The following AGAP3 variants were observed in gnomAD, a reference collection of about 807,000 sequenced individuals.
The protein encoded by AGAP3 is ArfGAP with GTPase domain, ankyrin repeat and PH domain 3, also known as arf-GAP with GTPase, ANK repeat and PH domain-containing protein 3.
AGAP3 carries 24 observed loss-of-function variants against 96.9 expected under a neutral mutation model. That is an observed-to-expected ratio of 0.25 (90% CI 0.18 to 0.35). The LOEUF is 0.35. Among genes scored for constraint, AGAP3 ranks in the 10% least tolerant of loss-of-function variants. The pLI is 1.00. For synonymous variants in AGAP3, 563 were observed against 536.1 expected, an observed-to-expected ratio of 1.05 and a Z score of -0.69; for missense variants, 876 against 1,254.2, an observed-to-expected ratio of 0.70 and a Z score of 4.55.
At chr7:151,137,892 C>CCCGGACCACG in intron 11 of AGAP3, 1 of 526,710 alleles carries the variant, frequency 1.9e-6, no homozygotes, top group Non-Finnish European at 3.3e-6. Flanking sequence ...AGAGACCCCC[C>CCCGGACCACG]GCCCCGCTCC....
At chr7:151,120,917 C>A in intron 8 of AGAP3, 4 of 984,522 alleles carry the variant, frequency 4.1e-6, no homozygotes, top group Non-Finnish European at 5.0e-6. Context: ...AAACCCTAAT[C>A]CTCCAGCCGG....
Position 151,143,391 on chromosome 7 carries a change from T to G in AGAP3, c.2324T>G (p.Leu775Arg). The G allele has an allele frequency of 6.2e-7, 1 of 1,614,180 alleles. No individual in the cohort carries two copies. The highest frequency in any genetic ancestry group is 2.2e-5 in the East Asian group (1 of 44,874). ...GCCAAGTATGAACAGAAGCTCTTCC[T>G]GGCCCCACTGCCAAGCTCAGATGTG... Reference protein sequence around the residue: ...IRAKYEQKLFLAPLPSSDVPL... With the variant: ...IRAKYEQKLFRAPLPSSDVPL... Residue 775 changes from leucine to arginine, a missense_variant, in exon 17 of 18, where the codon CTG becomes CGG. Coordinates refer to ENST00000397238, the MANE Select transcript of AGAP3 (RefSeq NM_031946.7). The surrounding 1 kb of genome is among the most constrained non-coding windows in gnomAD (Gnocchi z 5.9).
chr7:151,097,263 G>T (rs1265847045), intron 1 of AGAP3, among the ~76,000 whole-genome samples: 1 of 151,912 alleles, frequency 6.6e-6, no homozygotes, highest in Admixed American at 6.6e-5. Context: ...GGGCACTGTG[G>T]CTCACACCTG....
chr7:151,116,682 C>A, intron 1 of AGAP3, 111 bp from the exon 2 acceptor site: 1 of 1,232,588 alleles, frequency 8.1e-7, no homozygotes, highest in Non-Finnish European at 1.2e-6. Flanking sequence ...GAGGAAGCTG[C>A]TGTCCTCTGG....
chr7:151,139,914 G>A lies in AGAP3; in HGVS notation c.1667-65G>A. ...GGACTGGTCCTCTCCTCCTCCCAGTGCCCTGCGCCCCTCCCCTCCTCTGCC... is the reference window on the plus strand; with the variant it reads ...GGACTGGTCCTCTCCTCCTCCCAGTACCCTGCGCCCCTCCCCTCCTCTGCC... On this transcript the variant is annotated intron_variant, in intron 12 of 17. Transcript: ENST00000397238. This position sits in a 1 kb window ranked among gnomAD's most constrained non-coding sequence, Gnocchi z 4.9. 7.1e-7 allele frequency: 1 copy of A among 1,405,850 alleles called. No homozygotes were observed. The highest frequency in any genetic ancestry group is 9.4e-7 in the Non-Finnish European group (1 of 1,069,122). 87.1% of individuals were successfully genotyped at this position (1,405,850 alleles called of 1,614,324 possible).
intron 1 of AGAP3, among the ~76,000 whole-genome samples, chr7:151,101,499 G>C (rs951505038): frequency 1.3e-5 from 2 of 152,230 alleles, no homozygotes; most frequent in Non-Finnish European, 2.9e-5. Flanking sequence ...TGGCTGGGAA[G>C]AGGCTGGTGG....
In AGAP3 at chr7:151,140,080, AC is replaced by A; in HGVS notation, c.1774del (p.Arg592AspfsTer99). The A allele has an allele frequency of 3.1e-6, 5 of 1,603,506 alleles. No individual in the cohort carries two copies. Among genetic ancestry groups the A allele is most frequent in the Admixed American group, 1.7e-5 (1 of 58,642 alleles). ...GCACCGGAGGAAAAAGAGCACCGGG[AC>A]CCCCCGACCAGACGGCCCCAGCAGT... ...KKHRRKKSTGTPRPDGPSSAT... is the reference protein window; with the variant it reads ...KKHRRKKSTGXPRPDGPSSAT... On this transcript the variant is annotated frameshift_variant, in exon 13 of 18. Coordinates refer to ENST00000397238, the MANE Select transcript of AGAP3 (RefSeq NM_031946.7). LOFTEE classifies it high-confidence loss of function. The surrounding 1 kb of genome is among the most constrained non-coding windows in gnomAD (Gnocchi z 5.4).
rs951678364 is a variant in AGAP3 at position 151,114,999 on chromosome 7, C to T, written c.332-1794C>T. On this transcript the variant is annotated intron_variant, in intron 1 of 17. Transcript: ENST00000397238. This position sits in a 1 kb window ranked among gnomAD's most constrained non-coding sequence, Gnocchi z 4.4. ...GCCCACCGGCGCCCGCGGCCTTTTG[C>T]TCGGCCTCCTGCGCCCGCGCCTCGG... 1.3e-4 allele frequency: 132 copies of T among 987,380 alleles called. No individual in the cohort carries two copies. Among genetic ancestry groups the T allele is most frequent in the Non-Finnish European group, 9.1e-5 (76 of 833,838 alleles). 61.2% of individuals were successfully genotyped at this position (987,380 alleles called of 1,614,324 possible). A position where few individuals can be genotyped will look rare whatever the true frequency, so the allele number is the denominator to read the frequency against.
At chr7:151,095,810 C>T (rs553923939) in intron 1 of AGAP3, among the ~76,000 whole-genome samples, 1 of 151,724 alleles carries the variant, frequency 6.6e-6, no homozygotes, top group Non-Finnish European at 1.5e-5. Context: ...TGAGGCAGCA[C>T]CCCCTGCCCC....
intron 9 of AGAP3, chr7:151,128,256 G>A (rs945816812): frequency 2.6e-5 from 8 of 309,496 alleles, no homozygotes; most frequent in Admixed American, 4.0e-5. Context: ...CTACACCTCC[G>A]ATCATCTACA....
rs1267098729 is a variant in AGAP3, at chr7:151,118,292, CTAT to C, written c.790_792del (p.Tyr264del). 6.2e-7 allele frequency: 1 copy of C among 1,613,642 alleles called. No homozygotes were observed. Among genetic ancestry groups the C allele is most frequent in the Non-Finnish European group, 8.5e-7 (1 of 1,179,650 alleles). ...CCACAGATCTGAAGCGGTGCACCTA[CTAT>C]GAGACGTGCGCGACCTACGGGCTCA... is the stretch of plus-strand genomic sequence containing the variant. On this transcript the variant is annotated inframe_deletion, in exon 6 of 18. Coordinates refer to ENST00000397238, the MANE Select transcript of AGAP3 (RefSeq NM_031946.7). The surrounding 1 kb of genome is among the most constrained non-coding windows in gnomAD (Gnocchi z 6.1).
At chr7:151,097,343 C>T (rs1038849877) in intron 1 of AGAP3, among the ~76,000 whole-genome samples, 11 of 151,160 alleles carry the variant, frequency 7.3e-5, no homozygotes, top group African/African-American at 2.4e-4. Flanking sequence ...TCAGCCTGGC[C>T]AACATGGTGA....
At chr7:151,134,084 C>A (rs1361279467) in intron 10 of AGAP3, among the ~76,000 whole-genome samples, 1 of 152,166 alleles carries the variant, frequency 6.6e-6, no homozygotes, top group Non-Finnish European at 1.5e-5. Context: ...CCTGGCCCAG[C>A]ACTTGGCCTG....
rs1799786885 is a variant in AGAP3 at position 151,119,887 on chromosome 7, C to T, written c.970-100C>T. 6 of 1,201,026 alleles carry T rather than the reference C, an allele frequency of 5.0e-6. No homozygotes were observed. In the South Asian group the frequency reaches 8.3e-5, roughly 17 times the overall value. 74.4% of individuals were successfully genotyped at this position (1,201,026 alleles called of 1,614,324 possible). On this transcript the variant is annotated intron_variant, in intron 7 of 17. Coordinates refer to ENST00000397238, the MANE Select transcript of AGAP3 (RefSeq NM_031946.7). ...AGTGGCCCCTCTGCTGCCCATGAGCCCCGGCCAGGCCCCCATTAGCACAGG... is the reference window on the plus strand; with the variant it reads ...AGTGGCCCCTCTGCTGCCCATGAGCTCCGGCCAGGCCCCCATTAGCACAGG...
At chr7:151,089,632 C>T (rs1798309915) in intron 1 of AGAP3, 1 of 152,256 alleles carries the variant, frequency 6.6e-6, no homozygotes, top group Admixed American at 6.5e-5. Context: ...CACTCACAGT[C>T]ACTTCTGACC....
At chr7:151,087,587 C>A (rs1384590928) in intron 1 of AGAP3, among the ~76,000 whole-genome samples, 2 of 152,200 alleles carry the variant, frequency 1.3e-5, no homozygotes, top group African/African-American at 2.4e-5. Context: ...CAAGCGGGAG[C>A]GGGCCGGGCC....
chr7:151,093,633 A>G (rs1798484246), intron 1 of AGAP3, among the ~76,000 whole-genome samples: 2 of 151,972 alleles, frequency 1.3e-5, no homozygotes, highest in African/African-American at 2.4e-5. Flanking sequence ...TCTTTGCTGG[A>G]TTTGCTGTTA....
rs138322898 is a variant in AGAP3, at chr7:151,086,941, C to T, written c.200C>T (p.Ala67Val). The T allele has an allele frequency of 9.9e-6, 16 of 1,610,300 alleles. No homozygotes were observed. The African/African-American group carries it at 1.9e-4, about 19-fold the overall frequency. Residue 67 changes from alanine to valine, a missense_variant, in exon 1 of 18, where the codon GCG (alanine) becomes GTG (valine). Ala to Val is a moderately conservative substitution (Grantham distance 64). Around this residue, in one of 8 missense-constraint regions of AGAP3, gnomAD observed 62 missense variants for 82.8 expected, o/e 0.75. Transcript: ENST00000397238. ...PPQQFALSNS[A>V]AIRAEIQRFE... ...CAGCAGTTCGCGCTCTCCAACTCCGCGGCCATCCGGGCCGAGATCCAGCGC... is the reference window on the plus strand; with the variant it reads ...CAGCAGTTCGCGCTCTCCAACTCCGTGGCCATCCGGGCCGAGATCCAGCGC...
intron 11 of AGAP3, among the ~76,000 whole-genome samples, chr7:151,137,122 C>T (rs914117000): frequency 1.3e-5 from 2 of 152,256 alleles, no homozygotes; most frequent in African/African-American, 4.8e-5. Context: ...CATTCCTTTA[C>T]CTTCCAGCTG....
Sources: allele counts gnomAD v4.1 joint callset (sites outside exome capture counted in the v4.1 genomes callset), GRCh38; gene constraint gnomAD v4.1.1; regional missense constraint gnomAD v4.1.1; non-coding constraint Gnocchi (gnomAD v3.1); transcripts MANE v1.5; gene names NCBI Gene and HGNC (gene_info 2026-07-23, HGNC 2026-07-21).